The following HTR1F variants were observed in gnomAD, a reference collection of about 807,000 sequenced individuals.
The protein encoded by HTR1F is 5-hydroxytryptamine (serotonin) receptor 1F, G protein-coupled.
A neutral mutation model predicts 24.0 loss-of-function variants in HTR1F; 17 were observed. The ratio of observed to expected loss-of-function variants is 0.71; its 90% CI spans 0.48 to 1.06. HTR1F has a LOEUF of 1.06. Among genes scored for constraint, HTR1F ranks in the 50% least tolerant of loss-of-function variants. The pLI, the probability that HTR1F is intolerant of heterozygous loss-of-function variation, is 0.00. For missense variants in HTR1F, 391 were observed against 427.8 expected (o/e 0.91, Z 0.76); for synonymous variants, 186 against 156.8 (o/e 1.19, Z -1.39).
At chr3:87,950,142 G>C (rs1704801134) in intron 2 of HTR1F, among the ~76,000 whole-genome samples, 1 of 152,132 alleles carries the variant, frequency 6.6e-6, no homozygotes, top group African/African-American at 2.4e-5. Context: ...TCTTGCAAAA[G>C]CAAGAACTCT....
In HTR1F at chr3:87,899,980, C is replaced by G. The variant is rs186145739; in HGVS notation, c.-43+77856C>G. On this transcript the variant is annotated intron_variant, in intron 2 of 2. Transcript: ENST00000319595. ...GGCTCTACACATGTGTGCAGAAAGG[C>G]AGATATAAACCAAAATAATTAAGTT... Among the ~76,000 whole-genome samples the G allele has an allele frequency of 1.2e-3, 180 of 151,990 alleles. 1 individual carries two copies. The highest frequency in any genetic ancestry group is 1.0e-3 in the South Asian group (5 of 4,808).
At chr3:87,897,781 G>T (rs1190451661) in intron 2 of HTR1F, among the ~76,000 whole-genome samples, 8 of 151,926 alleles carry the variant, frequency 5.3e-5, no homozygotes, top group Non-Finnish European at 1.0e-4. Context: ...TACGTCATTT[G>T]TTCACTTCCA....
intron 2 of HTR1F, among the ~76,000 whole-genome samples, chr3:87,838,724 A>G (rs1575927700): frequency 6.6e-6 from 1 of 152,062 alleles, no homozygotes; most frequent in Non-Finnish European, 1.5e-5. Flanking sequence ...AGAAAACACA[A>G]TTGGAATAAC....
At chr3:87,800,550 T>C (rs1393047849) in intron 1 of HTR1F, among the ~76,000 whole-genome samples, 2 of 152,242 alleles carry the variant, frequency 1.3e-5, no homozygotes, top group African/African-American at 4.8e-5. Flanking sequence ...TTGTATTTTA[T>C]TTATTTACAT....
chr3:87,926,710 C>A (rs1331894586), intron 2 of HTR1F, among the ~76,000 whole-genome samples: 1 of 152,030 alleles, frequency 6.6e-6, no homozygotes, highest in Non-Finnish European at 1.5e-5. Context: ...AAATCATTGA[C>A]CTCTACTGGT....
chr3:87,881,658 T>A (rs140453827), intron 2 of HTR1F, among the ~76,000 whole-genome samples: 1 of 152,212 alleles, frequency 6.6e-6, no homozygotes, highest in Non-Finnish European at 1.5e-5. Context: ...GCTAGCCATA[T>A]GTAAAAGGCT....
intron 2 of HTR1F, among the ~76,000 whole-genome samples, chr3:87,984,480 A>G (rs534894005): frequency 2.0e-5 from 3 of 151,934 alleles, no homozygotes; most frequent in Non-Finnish European, 2.9e-5. Flanking sequence ...TTTGAGACAG[A>G]GTTTTGCTCT....
chr3:87,911,227 A>G (rs1426723332), intron 2 of HTR1F, among the ~76,000 whole-genome samples: 1 of 152,074 alleles, frequency 6.6e-6, no homozygotes, highest in African/African-American at 2.4e-5. Flanking sequence ...AGCTAGACTA[A>G]TAAAGAAGAA....
At chr3:87,929,417 C>G (rs1471185860) in intron 2 of HTR1F, among the ~76,000 whole-genome samples, 1 of 152,148 alleles carries the variant, frequency 6.6e-6, no homozygotes, top group Non-Finnish European at 1.5e-5. Flanking sequence ...AAATCAGCTT[C>G]AAAATTTACT....
chr3:87,900,815 T>A (rs1389483248), intron 2 of HTR1F, among the ~76,000 whole-genome samples: 1 of 152,098 alleles, frequency 6.6e-6, no homozygotes, highest in African/African-American at 2.4e-5. Context: ...AGAAGCAGGT[T>A]TGGAAGAAGG....
chr3:87,811,290 A>G (rs1000986826), intron 1 of HTR1F, among the ~76,000 whole-genome samples: 1 of 149,298 alleles, frequency 6.7e-6, no homozygotes, highest in African/African-American at 2.5e-5. Flanking sequence ...AAAAAAAAAA[A>G]GCCTTCCTAC....
intron 2 of HTR1F, among the ~76,000 whole-genome samples, chr3:87,921,547 T>C (rs1704012203): frequency 6.6e-6 from 1 of 151,968 alleles, no homozygotes; most frequent in East Asian, 1.9e-4. Context: ...AACATACCCA[T>C]AACCTCAAAC....
Position 87,920,029 on chromosome 3 carries a change from T to TTATATATATA in HTR1F, c.-42-70667_-42-70658dup, listed in dbSNP as rs74326472. On this transcript the variant is annotated intron_variant, in intron 2 of 2. Transcript: ENST00000319595. Reference sequence around the variant, plus strand: ...GTGTGGGAGAGATATATATGTAATATTATATATATATATATATATATGATA... The same window carrying TTATATATATA: ...GTGTGGGAGAGATATATATGTAATATTATATATATATATATATATATATATATATATGATA... Among the ~76,000 whole-genome samples the TTATATATATA allele has an allele frequency of 6.5e-3, 919 of 141,986 alleles. 20 individuals are homozygous for TTATATATATA. The highest frequency in any genetic ancestry group is 0.021 in the African/African-American group (803 of 38,058). 93.1% of individuals were successfully genotyped at this position (141,986 alleles called of 152,430 possible).
At chr3:87,986,577 T>C (rs1375118608) in intron 2 of HTR1F, among the ~76,000 whole-genome samples, 8 of 152,224 alleles carry the variant, frequency 5.3e-5, no homozygotes, top group Non-Finnish European at 1.0e-4. Flanking sequence ...ATTCACCTTC[T>C]AATTTTAAGC....
intron 2 of HTR1F, among the ~76,000 whole-genome samples, chr3:87,929,209 G>A (rs1422739387): frequency 6.6e-6 from 1 of 152,094 alleles, no homozygotes; most frequent in Non-Finnish European, 1.5e-5. Context: ...CAACAGCCAA[G>A]AACAGAAAGC....
chr3:87,813,822 C>A (rs560752772), intron 1 of HTR1F, among the ~76,000 whole-genome samples: 1 of 152,160 alleles, frequency 6.6e-6, no homozygotes, highest in Non-Finnish European at 1.5e-5. Flanking sequence ...TATGCTCTCT[C>A]GCCTGTCACC....
chr3:87,970,297 G>A (rs367655436), intron 2 of HTR1F, among the ~76,000 whole-genome samples: 1 of 152,296 alleles, frequency 6.6e-6, no homozygotes, highest in South Asian at 2.1e-4. Context: ...TCTGGTGGGG[G>A]CAGGGTTTAA....
At chr3:87,844,123 A>T (rs900851966) in intron 2 of HTR1F, among the ~76,000 whole-genome samples, 2 of 151,548 alleles carry the variant, frequency 1.3e-5, no homozygotes, top group African/African-American at 4.9e-5. Context: ...ACAATGGTTG[A>T]ACTAGTTTAC....
intron 2 of HTR1F, among the ~76,000 whole-genome samples, chr3:87,946,010 C>T (rs1401030242): frequency 6.6e-6 from 1 of 152,178 alleles, no homozygotes; most frequent in Non-Finnish European, 1.5e-5. Flanking sequence ...TTGGGCCACG[C>T]AGTGAGTGTT....
Sources: gnomAD v4.1 joint callset for allele counts (sites outside exome capture counted in the v4.1 genomes callset) on GRCh38, gnomAD v4.1.1 for gene constraint, MANE v1.5 for transcripts, NCBI Gene and HGNC (gene_info 2026-07-23, HGNC 2026-07-21) for gene names.